Variants in CPPED1 observed in about 807,000 individuals in gnomAD.
CPPED1 encodes the protein calcineurin like phosphoesterase domain containing 1, also known as serine/threonine-protein phosphatase CPPED1.
Under a neutral mutation model 28.0 loss-of-function variants are expected in CPPED1, and 28 were observed. The observed-to-expected ratio is 1.00, with a 90% CI of 0.74 to 1.37. CPPED1 has a LOEUF of 1.37. Among genes scored for constraint, CPPED1 ranks in the 40% most tolerant of loss-of-function variants. CPPED1 has a pLI of 0.00. For synonymous variants in CPPED1, 198 were observed against 180.2 expected (o/e 1.10, Z -0.79); for missense variants, 504 against 416.5 (o/e 1.21, Z -1.83).
At chr16:12,705,568 G>T (rs962237255) in intron 2 of CPPED1, among the ~76,000 whole-genome samples, 1 of 152,164 alleles carries the variant, frequency 6.6e-6, no homozygotes, top group Non-Finnish European at 1.5e-5. Flanking sequence ...GACCAGCCTG[G>T]ACAACATGGT....
intron 2 of CPPED1, among the ~76,000 whole-genome samples, chr16:12,718,080 G>A (rs539232970): frequency 6.6e-6 from 1 of 152,366 alleles, no homozygotes; most frequent in Non-Finnish European, 1.5e-5. Context: ...ACCACCAGTA[G>A]ATACAGCAAG....
At chr16:12,691,736 C>A (rs1483906093) in intron 3 of CPPED1, among the ~76,000 whole-genome samples, 1 of 146,166 alleles carries the variant, frequency 6.8e-6, no homozygotes, top group Admixed American at 7.2e-5. Context: ...ACCGCATGTT[C>A]TCACTCATAG....
At position 12,800,163 on chromosome 16, in the gene CPPED1, G is replaced by A. The variant is rs562376356; in HGVS notation, c.70+3544C>T. Among the ~76,000 whole-genome samples, 8 of 152,086 alleles carry A rather than the reference G, an allele frequency of 5.3e-5. No individual in the cohort carries two copies. In the South Asian group the frequency reaches 1.0e-3, roughly 20 times the overall value. The stretch of plus-strand genomic sequence containing the variant: ...ATAAACACATTCAAAGTAAACAATG[G>A]GGGCCAAGTGCGGTGGCTCATGCCT... On this transcript the variant is annotated intron_variant, in intron 1 of 3. Transcript: ENST00000381774.
At chr16:12,771,785 T>C (rs2080471638) in intron 2 of CPPED1, among the ~76,000 whole-genome samples, 1 of 152,182 alleles carries the variant, frequency 6.6e-6, no homozygotes. Context: ...CTTTGTTCAA[T>C]GGCTTTATTT....
intron 1 of CPPED1, among the ~76,000 whole-genome samples, chr16:12,788,003 G>GTAGGACTGATGGCTTCAGTTCC (rs1479698290): frequency 1.3e-5 from 2 of 152,162 alleles, no homozygotes; most frequent in Non-Finnish European, 2.9e-5. Flanking sequence ...CTTGTAGGTT[G>GTAGGACTGATGGCTTCAGTTCC]TAGGACTGAT....
chr16:12,798,528 C>T (rs2080640492), intron 1 of CPPED1, among the ~76,000 whole-genome samples: 1 of 152,092 alleles, frequency 6.6e-6, no homozygotes, highest in African/African-American at 2.4e-5. Flanking sequence ...TATTCTCTGC[C>T]AAGGGAGAAG....
At chr16:12,763,230 C>G (rs1295925452) in intron 2 of CPPED1, among the ~76,000 whole-genome samples, 2 of 149,248 alleles carry the variant, frequency 1.3e-5, no homozygotes, top group Non-Finnish European at 3.0e-5. Context: ...AAGACTCCAC[C>G]TTGAAAAAAA....
At chr16:12,767,154 G>A (rs1012205208) in intron 2 of CPPED1, among the ~76,000 whole-genome samples, 8 of 152,194 alleles carry the variant, frequency 5.3e-5, no homozygotes, top group South Asian at 2.1e-4. Flanking sequence ...TATGTAAGCC[G>A]GGGGTTTCAT....
rs574228500 is a variant in CPPED1 at position 12,732,085 on chromosome 16, G to A, written c.290-27036C>T. On this transcript the variant is annotated intron_variant, in intron 2 of 3. Coordinates refer to ENST00000381774, the MANE Select transcript of CPPED1 (RefSeq NM_018340.3). Reference sequence around the variant, plus strand: ...GGCTGGGGCAGTAGAATCGCCTGGGGGGCAGAGGTTGCAGTGAGCCGAAAT... The same window carrying A: ...GGCTGGGGCAGTAGAATCGCCTGGGAGGCAGAGGTTGCAGTGAGCCGAAAT... Among the ~76,000 whole-genome samples the A allele has an allele frequency of 4.2e-4, 64 of 152,048 alleles. 1 individual carries two copies. Among genetic ancestry groups the A allele is most frequent in the Middle Eastern group, 3.4e-3 (1 of 292 alleles).
chr16:12,706,430 A>T (rs1360337483), intron 2 of CPPED1, among the ~76,000 whole-genome samples: 2 of 149,662 alleles, frequency 1.3e-5, no homozygotes, highest in Non-Finnish European at 3.0e-5. Context: ...CACCAACCTA[A>T]ATACTTTCTT....
chr16:12,737,570 T>C (rs535317716), intron 2 of CPPED1, among the ~76,000 whole-genome samples: 3 of 152,312 alleles, frequency 2.0e-5, no homozygotes, highest in African/African-American at 7.2e-5. Flanking sequence ...GGCTGAGCGT[T>C]TGAATAACCT....
At chr16:12,777,882 A>G (rs2080506638) in intron 2 of CPPED1, among the ~76,000 whole-genome samples, 2 of 151,342 alleles carry the variant, frequency 1.3e-5, no homozygotes, top group South Asian at 2.1e-4. Flanking sequence ...AAAAAAAATG[A>G]AAGTTCTTTT....
At chr16:12,731,159 T>TC (rs1183044340) in intron 2 of CPPED1, among the ~76,000 whole-genome samples, 1 of 150,762 alleles carries the variant, frequency 6.6e-6, no homozygotes, top group African/African-American at 2.4e-5. Context: ...AAAAAAATTT[T>TC]TTTTTTTTTT....
At chr16:12,779,513 C>G (rs1293321580) in intron 2 of CPPED1, among the ~76,000 whole-genome samples, 1 of 151,952 alleles carries the variant, frequency 6.6e-6, no homozygotes, top group Non-Finnish European at 1.5e-5. Context: ...CTTAGCCTCC[C>G]AAGTAGCTGG....
intron 3 of CPPED1, among the ~76,000 whole-genome samples, chr16:12,698,218 A>G (rs1038115546): frequency 5.9e-5 from 9 of 152,110 alleles, no homozygotes; most frequent in African/African-American, 9.7e-5. Context: ...TCCATTGACC[A>G]CTATTCACCT....
intron 1 of CPPED1, 21 bp from the exon 2 acceptor site, chr16:12,781,424 G>A: frequency 6.2e-7 from 1 of 1,601,596 alleles, no homozygotes; most frequent in South Asian, 1.1e-5. Context: ...GAGAGAGGGA[G>A]AAAGAAGGAG....
chr16:12,699,209 T>C (rs563874131), intron 3 of CPPED1, among the ~76,000 whole-genome samples: 1 of 152,294 alleles, frequency 6.6e-6, no homozygotes, highest in Admixed American at 6.5e-5. Flanking sequence ...TGTGATGAAA[T>C]TGATTATCCT....
intron 2 of CPPED1, among the ~76,000 whole-genome samples, chr16:12,723,009 T>C (rs1411963870): frequency 2.6e-5 from 4 of 152,186 alleles, no homozygotes; most frequent in Non-Finnish European, 5.9e-5. Flanking sequence ...GAGTGGGTTA[T>C]CAGCGGGGCT....
intron 2 of CPPED1, among the ~76,000 whole-genome samples, chr16:12,713,822 C>T (rs1236494248): frequency 6.7e-6 from 1 of 149,582 alleles, no homozygotes; most frequent in Non-Finnish European, 1.5e-5. Context: ...AATTCATCCT[C>T]TGAAGGTATG....
Sources: gnomAD v4.1 joint callset for allele counts (sites outside exome capture counted in the v4.1 genomes callset) on GRCh38, gnomAD v4.1.1 for gene constraint, MANE v1.5 for transcripts, NCBI Gene and HGNC (gene_info 2026-07-23, HGNC 2026-07-21) for gene names.